The following ERC2 variants were observed in gnomAD, a reference collection of about 807,000 sequenced individuals.
ERC2 encodes ELKS/RAB6-interacting/CAST family member 2.
ERC2 carries 42 observed loss-of-function variants against 114.8 expected under a neutral mutation model. The observed-to-expected ratio is 0.37, with a 90% CI of 0.29 to 0.47. ERC2 has a LOEUF of 0.47. Among genes scored for constraint, ERC2 ranks in the 20% least tolerant of loss-of-function variants. The pLI is 0.99. For synonymous variants in ERC2, 454 were observed against 425.5 expected, an observed-to-expected ratio of 1.07 and a Z score of -0.82; for missense variants, 939 against 1,150.7, an observed-to-expected ratio of 0.82 and a Z score of 2.66.
chr3:56,116,111 G>A (rs189342918), intron 6 of ERC2, among the ~76,000 whole-genome samples: 19 of 152,238 alleles, frequency 1.2e-4, no homozygotes, highest in African/African-American at 4.3e-4. Flanking sequence ...CATGTGGCAG[G>A]GTGTGCCCCT....
At chr3:55,850,891 C>CGA (rs1559761193) in intron 14 of ERC2, among the ~76,000 whole-genome samples, 1 of 150,186 alleles carries the variant, frequency 6.7e-6, no homozygotes, top group East Asian at 2.0e-4. Context: ...CACACACACA[C>CGA]GAGAGAACCA....
chr3:56,158,906 C>T (rs760313819), intron 4 of ERC2, among the ~76,000 whole-genome samples: 2 of 151,822 alleles, frequency 1.3e-5, no homozygotes, highest in Non-Finnish European at 2.9e-5. Flanking sequence ...GGTTTGGATC[C>T]GTGTCCCCAC....
At chr3:56,036,134 A>G (rs2074785194) in intron 7 of ERC2, among the ~76,000 whole-genome samples, 1 of 152,216 alleles carries the variant, frequency 6.6e-6, no homozygotes, top group Non-Finnish European at 1.5e-5. Context: ...ATAGATGCAG[A>G]AAAAGCACTT....
chr3:55,557,110 A>T (rs1485395088), intron 17 of ERC2, among the ~76,000 whole-genome samples: 3 of 152,210 alleles, frequency 2.0e-5, no homozygotes, highest in African/African-American at 7.2e-5. Context: ...AGTTCTGCTG[A>T]CACACAAGGA....
chr3:56,452,770 G>A (rs1289426810), intron 1 of ERC2, among the ~76,000 whole-genome samples: 1 of 152,188 alleles, frequency 6.6e-6, no homozygotes, highest in Non-Finnish European at 1.5e-5. Flanking sequence ...GCCTCAGTAA[G>A]TATCTGAGTA....
At chr3:56,107,862 A>G (rs1006386476) in intron 6 of ERC2, among the ~76,000 whole-genome samples, 3 of 152,172 alleles carry the variant, frequency 2.0e-5, no homozygotes, top group African/African-American at 7.2e-5. Flanking sequence ...TCAAGAACAA[A>G]TGTTTTCCAT....
At chr3:56,049,141 A>G (rs1454438513) in intron 7 of ERC2, among the ~76,000 whole-genome samples, 1 of 152,182 alleles carries the variant, frequency 6.6e-6, no homozygotes, top group Non-Finnish European at 1.5e-5. Context: ...TTTATTCTGA[A>G]AGCAGTAGGT....
intron 2 of ERC2, among the ~76,000 whole-genome samples, chr3:56,322,364 C>T (rs80354489): frequency 0.016 from 2,486 of 152,312 alleles, 18 homozygotes; most frequent in South Asian, 0.023. Flanking sequence ...TTTGCCACCA[C>T]TTGCATCAAG....
intron 2 of ERC2, among the ~76,000 whole-genome samples, chr3:56,340,933 G>T (rs1331367895): frequency 6.7e-6 from 1 of 150,184 alleles, no homozygotes; most frequent in Non-Finnish European, 1.5e-5. Context: ...GTTTTCAAAA[G>T]AAAAAAAAAG....
At chr3:56,312,209 T>TATTTCTAAA in intron 2 of ERC2, among the ~76,000 whole-genome samples, 1 of 152,114 alleles carries the variant, frequency 6.6e-6, no homozygotes, top group Non-Finnish European at 1.5e-5. Context: ...TTTCTAAAGA[T>TATTTCTAAA]TCCATAAATA....
chr3:56,295,737 C>A (rs779453485), intron 3 of ERC2, among the ~76,000 whole-genome samples: 4 of 152,174 alleles, frequency 2.6e-5, no homozygotes, highest in Non-Finnish European at 5.9e-5. Context: ...ACCACAGCCA[C>A]CTGTGGGAAA....
At chr3:55,920,516 A>G (rs1051154704) in intron 13 of ERC2, among the ~76,000 whole-genome samples, 1 of 151,952 alleles carries the variant, frequency 6.6e-6, no homozygotes, top group Admixed American at 6.6e-5. Flanking sequence ...GCTTCACTGA[A>G]AAGGACATCA....
chr3:55,681,236 G>A (rs913620379), intron 17 of ERC2, among the ~76,000 whole-genome samples: 3 of 152,200 alleles, frequency 2.0e-5, no homozygotes, highest in Non-Finnish European at 2.9e-5. Flanking sequence ...TGATGGGGTT[G>A]TTATGCTAAT....
chr3:55,743,149 G>A (rs1050856094), intron 14 of ERC2, among the ~76,000 whole-genome samples: 2 of 152,160 alleles, frequency 1.3e-5, no homozygotes, highest in African/African-American at 4.8e-5. Context: ...CACATGACTG[G>A]AATTTCCTAA....
intron 14 of ERC2, among the ~76,000 whole-genome samples, chr3:55,744,379 C>T (rs557198441): frequency 6.6e-6 from 1 of 152,256 alleles, no homozygotes; most frequent in South Asian, 2.1e-4. Context: ...CACTGCACTC[C>T]AGCCTGGGCA....
At chr3:55,862,872 A>G (rs545664387) in intron 14 of ERC2, among the ~76,000 whole-genome samples, 1 of 152,166 alleles carries the variant, frequency 6.6e-6, no homozygotes, top group African/African-American at 2.4e-5. Flanking sequence ...GTTCCAAAAT[A>G]TTATGTTTTA....
chr3:56,218,295 A>G (rs570115748), intron 3 of ERC2, among the ~76,000 whole-genome samples: 97 of 152,224 alleles, frequency 6.4e-4, no homozygotes, highest in Non-Finnish European at 1.1e-3. Flanking sequence ...ATTTACAAGA[A>G]AAAAACAAAC....
At chr3:56,268,063 T>C (rs996385451) in intron 3 of ERC2, among the ~76,000 whole-genome samples, 2 of 152,236 alleles carry the variant, frequency 1.3e-5, no homozygotes, top group African/African-American at 4.8e-5. Flanking sequence ...CACTTCACAA[T>C]GTACAGTCAA....
At chr3:56,227,559 G>A (rs1191551642) in intron 3 of ERC2, among the ~76,000 whole-genome samples, 1 of 151,934 alleles carries the variant, frequency 6.6e-6, no homozygotes. Flanking sequence ...CCCTGACTCC[G>A]CTTTGCTTCC....
Sources: gnomAD v4.1 joint callset for allele counts (sites outside exome capture counted in the v4.1 genomes callset) on GRCh38, gnomAD v4.1.1 for gene constraint, MANE v1.5 for transcripts, NCBI Gene and HGNC (gene_info 2026-07-23, HGNC 2026-07-21) for gene names.